VAT1L: variants seen among roughly 807,000 people sequenced by gnomAD.
The protein encoded by VAT1L is vesicle amine transport 1 like, also known as putative NADPH-dependent quinone oxidoreductase VAT1L.
In VAT1L, 34 loss-of-function variants were observed where a neutral mutation model predicts 44.1. That is an observed-to-expected ratio of 0.77 (90% confidence interval 0.59 to 1.03). VAT1L has a LOEUF of 1.03. Ranked by LOEUF, VAT1L falls within the 50% of genes least tolerant of loss-of-function variation. The pLI, the probability that VAT1L is intolerant of heterozygous loss-of-function variation, is 0.00. For missense variants in VAT1L, 615 were observed against 538.8 expected (o/e 1.14, Z -1.40); for synonymous variants, 253 against 202.2 (o/e 1.25, Z -2.13).
rs77364831 is a variant in VAT1L at position 77,833,790 on chromosome 16, G to C, written c.579+8329G>C. Among the ~76,000 whole-genome samples the C allele has an allele frequency of 2.5e-3, 377 of 151,822 alleles. 2 individuals carry two copies. The highest frequency in any genetic ancestry group is 8.7e-3 in the African/African-American group (359 of 41,434). ...AGAAAAAAAAGAAAAATGAAAGTGGGAATAGGCTTTCATGAGAGGTGAGGG... is the reference window on the plus strand; with the variant it reads ...AGAAAAAAAAGAAAAATGAAAGTGGCAATAGGCTTTCATGAGAGGTGAGGG... On this transcript the variant is annotated intron_variant, in intron 3 of 8. Coordinates refer to ENST00000302536, the MANE Select transcript of VAT1L (RefSeq NM_020927.3).
At chr16:77,850,035 G>T (rs1250721310) in intron 3 of VAT1L, among the ~76,000 whole-genome samples, 1 of 152,204 alleles carries the variant, frequency 6.6e-6, no homozygotes, top group African/African-American at 2.4e-5. Context: ...TGTTAATGAG[G>T]TGCCTCCAGC....
At chr16:77,880,403 G>A (rs1055959604) in intron 6 of VAT1L, among the ~76,000 whole-genome samples, 11 of 151,926 alleles carry the variant, frequency 7.2e-5, no homozygotes, top group Middle Eastern at 6.8e-3. Context: ...CAAGCAATCC[G>A]CTTGCCTCAG....
intron 7 of VAT1L, among the ~76,000 whole-genome samples, chr16:77,961,946 T>C (rs938448453): frequency 6.6e-6 from 1 of 152,230 alleles, no homozygotes; most frequent in Non-Finnish European, 1.5e-5. Context: ...CATCATTGCA[T>C]TGTGACAAAT....
At chr16:77,851,580 G>A (rs913578027) in intron 3 of VAT1L, among the ~76,000 whole-genome samples, 5 of 152,078 alleles carry the variant, frequency 3.3e-5, no homozygotes, top group Non-Finnish European at 7.4e-5. Context: ...TTGAGACCAA[G>A]AGTTTGAGTT....
intron 4 of VAT1L, among the ~76,000 whole-genome samples, chr16:77,873,503 C>T (rs560481560): frequency 6.6e-6 from 1 of 152,238 alleles, no homozygotes; most frequent in South Asian, 2.1e-4. Context: ...TTGTGCATTC[C>T]TCTGGTCAAT....
chr16:77,894,860 A>G (rs1437154246), intron 7 of VAT1L, among the ~76,000 whole-genome samples: 3 of 152,114 alleles, frequency 2.0e-5, no homozygotes, highest in Non-Finnish European at 4.4e-5. Context: ...GAAGAGGCAC[A>G]GCCTTAGAAT....
chr16:77,945,493 T>C (rs1470435596), intron 7 of VAT1L, among the ~76,000 whole-genome samples: 2 of 151,998 alleles, frequency 1.3e-5, no homozygotes, highest in South Asian at 2.1e-4. Flanking sequence ...TCTTACTGTG[T>C]TGCCAAAGCT....
At chr16:77,945,797 C>CTTTTTTTTTTTTTTTTTTTTTTT (rs58436423) in intron 7 of VAT1L, among the ~76,000 whole-genome samples, 1 of 141,172 alleles carries the variant, frequency 7.1e-6, no homozygotes, top group African/African-American at 2.6e-5. Flanking sequence ...AGTGGCTTGA[C>CTTTTTTTTTTTTTTTTTTTTTTT]TTTTTTTTTT....
chr16:77,922,888 G>A (rs1172211057), intron 7 of VAT1L, among the ~76,000 whole-genome samples: 4 of 152,138 alleles, frequency 2.6e-5, no homozygotes, highest in African/African-American at 9.7e-5. Context: ...TGAACCACCT[G>A]AGTTGGAATT....
intron 6 of VAT1L, among the ~76,000 whole-genome samples, chr16:77,883,330 C>G (rs2017174635): frequency 6.6e-6 from 1 of 152,152 alleles, no homozygotes; most frequent in African/African-American, 2.4e-5. Flanking sequence ...CATAACAAAG[C>G]AGTTGGATCC....
At chr16:77,821,323 G>A (rs369638648) in intron 2 of VAT1L, among the ~76,000 whole-genome samples, 1 of 146,930 alleles carries the variant, frequency 6.8e-6, no homozygotes, top group Non-Finnish European at 1.5e-5. Context: ...TTTTCGAGAT[G>A]GGAGTCTCAC....
At chr16:77,928,235 A>G (rs377613) in intron 7 of VAT1L, among the ~76,000 whole-genome samples, 152,219 of 152,304 alleles carry the variant, frequency 1, 76,067 homozygotes, top group Middle Eastern at 1. Flanking sequence ...CAGGGAAGCC[A>G]ACATCTCTCT....
intron 3 of VAT1L, among the ~76,000 whole-genome samples, chr16:77,850,745 C>T (rs949116830): frequency 2.6e-5 from 4 of 152,032 alleles, no homozygotes; most frequent in Admixed American, 6.6e-5. Flanking sequence ...AATGAGAATC[C>T]GGCATCCCAC....
intron 7 of VAT1L, among the ~76,000 whole-genome samples, chr16:77,948,084 G>T (rs971375559): frequency 6.6e-6 from 1 of 152,152 alleles, no homozygotes; most frequent in African/African-American, 2.4e-5. Context: ...AAACCCAATG[G>T]AAAAGTAGTT....
chr16:77,814,621 G>A (rs1477881821), intron 1 of VAT1L, among the ~76,000 whole-genome samples: 2 of 152,132 alleles, frequency 1.3e-5, no homozygotes, highest in African/African-American at 4.8e-5. Context: ...TTCCAACAGG[G>A]CCTTGGGAAA....
chr16:77,880,756 C>G (rs747690978), intron 6 of VAT1L, among the ~76,000 whole-genome samples: 8 of 151,880 alleles, frequency 5.3e-5, no homozygotes, highest in Non-Finnish European at 8.8e-5. Context: ...CCCCTGCCCC[C>G]CTCCCAGTCC....
At chr16:77,808,505 C>T (rs922913619) in intron 1 of VAT1L, among the ~76,000 whole-genome samples, 12 of 152,144 alleles carry the variant, frequency 7.9e-5, no homozygotes, top group Non-Finnish European at 1.6e-4. Flanking sequence ...AAATGTCTTC[C>T]ATTAAACTGG....
intron 7 of VAT1L, among the ~76,000 whole-genome samples, chr16:77,895,100 C>CACACACACACACACACA (rs2017308314): frequency 5.4e-4 from 78 of 145,252 alleles, no homozygotes; most frequent in African/African-American, 1.9e-3. Flanking sequence ...AGCCACTTGC[C>CACACACACACACACACA]CACACACACA....
rs1389075186 is a variant in VAT1L at position 77,979,005 on chromosome 16, T to C, written c.*1310T>C. On this transcript the variant is annotated 3_prime_UTR_variant, in exon 9 of 9. Transcript: ENST00000302536. ...AGATACCAGGAGCTCATTTGATTCA[T>C]ACCCCAACTTTGTGTTCTGAAAAAC... 1 of 152,232 alleles carries C rather than the reference T, an allele frequency of 6.6e-6. No individual in the cohort carries two copies. Among genetic ancestry groups the C allele is most frequent in the Non-Finnish European group, 1.5e-5 (1 of 68,036 alleles). The allele number at this position is 152,232 out of a possible 1,614,324, so 9.4% of individuals were successfully genotyped here. A position where few individuals can be genotyped will look rare whatever the true frequency, so the allele number is the denominator to read the frequency against.
Sources: gnomAD v4.1 joint callset for allele counts (sites outside exome capture counted in the v4.1 genomes callset) on GRCh38, gnomAD v4.1.1 for gene constraint, MANE v1.5 for transcripts, NCBI Gene and HGNC (gene_info 2026-07-23, HGNC 2026-07-21) for gene names.